WDR59: variants seen among roughly 807,000 people sequenced by gnomAD.
The protein encoded by WDR59 is WD repeat domain 59, also known as GATOR2 complex protein WDR59.
Under a neutral mutation model 131.2 loss-of-function variants are expected in WDR59, and 100 were observed. The ratio of observed to expected loss-of-function variants is 0.76; its 90% CI spans 0.65 to 0.90. The LOEUF is 0.90. Ranked by LOEUF, WDR59 falls within the 40% of genes least tolerant of loss-of-function variation. WDR59 has a pLI of 0.00. For missense variants in WDR59, 1,203 were observed against 1,262.2 expected (o/e 0.95, Z 0.71); for synonymous variants, 601 against 466.2 (o/e 1.29, Z -3.72).
intron 10 of WDR59, among the ~76,000 whole-genome samples, chr16:74,918,841 C>G (rs1966514920): frequency 6.6e-6 from 1 of 152,128 alleles, no homozygotes; most frequent in Admixed American, 6.5e-5. Context: ...GGCAGGAAAA[C>G]AAGGGCCAGT....
At chr16:74,892,671 T>A in intron 19 of WDR59, 106 bp from the exon 20 acceptor site, 1 of 955,588 alleles carries the variant, frequency 1.0e-6, no homozygotes, top group Non-Finnish European at 1.6e-6. Context: ...TGGTTATCAC[T>A]CAAAATGTTT....
intron 8 of WDR59, among the ~76,000 whole-genome samples, chr16:74,933,364 T>G (rs970739336): frequency 5.3e-5 from 8 of 152,174 alleles, no homozygotes; most frequent in African/African-American, 1.9e-4. Flanking sequence ...AACTGATCTC[T>G]GAGCACATCA....
intron 25 of WDR59, among the ~76,000 whole-genome samples, chr16:74,880,405 C>G (rs1359050849): frequency 3.9e-5 from 6 of 152,054 alleles, no homozygotes; most frequent in African/African-American, 1.4e-4. Context: ...CGAGATCGCG[C>G]CACTGCACTC....
chr16:74,915,750 G>A (rs1966337237), intron 13 of WDR59, 120 bp downstream of exon 13: 4 of 1,456,208 alleles, frequency 2.7e-6, no homozygotes, highest in Non-Finnish European at 3.8e-6. Flanking sequence ...AAAAAAGCAA[G>A]CAGAGAGAGT....
Position 74,959,501 on chromosome 16 carries a change from C to G in WDR59, c.105-2891G>C, listed in dbSNP as rs1052937972. ...GCCTTCATGGTTGGAAGCAGCAGCT[C>G]ACACTGGAACTCTTAGTGCTGCAGG... On this transcript the variant is annotated intron_variant, in intron 2 of 25. Transcript: ENST00000262144. The G allele has an allele frequency of 2.9e-5, 13 of 449,990 alleles. No homozygotes were observed. In the Admixed American group the frequency reaches 3.1e-4, roughly 11 times the overall value. 27.9% of individuals were successfully genotyped at this position (449,990 alleles called of 1,614,324 possible).
At chr16:74,932,774 C>T (rs1252577190) in intron 8 of WDR59, among the ~76,000 whole-genome samples, 2 of 152,266 alleles carry the variant, frequency 1.3e-5, no homozygotes, top group African/African-American at 4.8e-5. Context: ...CAGGGGTGAG[C>T]CACCATGCCC....
rs952838946 is a variant in WDR59, at chr16:74,888,048, G to C, written c.2346+121C>G. ...CACGAGAATTGCTTGAACCCAGGAG[G>C]CGGAGGTTGCAGTGAGCTGAGATCA... On this transcript the variant is annotated intron_variant, in intron 22 of 25. Transcript: ENST00000262144. 1.1e-5 allele frequency: 14 copies of C among 1,279,910 alleles called. 1 individual carries two copies. In the South Asian group the frequency reaches 1.3e-4, roughly 12 times the overall value. 79.3% of individuals were successfully genotyped at this position (1,279,910 alleles called of 1,614,324 possible). A position where few individuals can be genotyped will look rare whatever the true frequency, so the allele number is the denominator to read the frequency against.
chr16:74,899,877 C>T, intron 18 of WDR59: 1 of 724,412 alleles, frequency 1.4e-6, no homozygotes, highest in Non-Finnish European at 2.0e-6. Flanking sequence ...TACCATAATA[C>T]ACTGTACAGT....
intron 3 of WDR59, among the ~76,000 whole-genome samples, chr16:74,955,741 G>C (rs2033257533): frequency 6.6e-6 from 1 of 152,062 alleles, no homozygotes; most frequent in South Asian, 2.1e-4. Context: ...CTGCACAGTG[G>C]TCCTGCCCCT....
chr16:74,945,525 G>C (rs1023902803), intron 6 of WDR59, among the ~76,000 whole-genome samples: 1 of 151,936 alleles, frequency 6.6e-6, no homozygotes, highest in Non-Finnish European at 1.5e-5. Flanking sequence ...ACAAAGTCAG[G>C]AGAATGTGAT....
intron 17 of WDR59, among the ~76,000 whole-genome samples, chr16:74,908,448 T>C (rs747768755): frequency 5.9e-4 from 90 of 152,134 alleles, no homozygotes; most frequent in Non-Finnish European, 1.3e-4. Context: ...ACTTCCACGT[T>C]TGTGTTTTCA....
chr16:74,927,718 A>AC (rs2030974965), intron 8 of WDR59, among the ~76,000 whole-genome samples: 2 of 150,566 alleles, frequency 1.3e-5, no homozygotes, highest in Admixed American at 6.7e-5. Flanking sequence ...ACACACACAC[A>AC]AAACTCAGCT....
chr16:74,936,925 G>A (rs1465084639), intron 8 of WDR59, among the ~76,000 whole-genome samples: 1 of 152,138 alleles, frequency 6.6e-6, no homozygotes, highest in African/African-American at 2.4e-5. Context: ...ACAACCCTAA[G>A]AGATTTACAA....
At chr16:74,958,992 G>C (rs1044720365) in intron 2 of WDR59, among the ~76,000 whole-genome samples, 2 of 152,186 alleles carry the variant, frequency 1.3e-5, no homozygotes, top group African/African-American at 2.4e-5. Flanking sequence ...CTGGGAAGCA[G>C]GGGATGCAGT....
rs1025406831 is a variant in WDR59 at position 74,948,563 on chromosome 16, T to C, written c.408-7A>G. On this transcript the variant is annotated splice_region_variant and splice_polypyrimidine_tract_variant and intron_variant, in intron 5 of 25. Transcript: ENST00000262144. The stretch of plus-strand genomic sequence containing the variant: ...AGTAGGTTTCCTTGTGTCTCTGAAA[T>C]ATAAAAATAAAAAATCAAATCCCCA... 2.5e-6 allele frequency: 4 copies of C among 1,612,484 alleles called. No homozygotes were observed. The highest frequency in any genetic ancestry group is 3.4e-6 in the Non-Finnish European group (4 of 1,178,590).
intron 2 of WDR59, chr16:74,959,585 G>C (rs2033466772): frequency 2.3e-6 from 1 of 441,468 alleles, no homozygotes; most frequent in East Asian, 7.4e-5. Context: ...AACCTGGCAA[G>C]ACCTTATCTG....
At chr16:74,914,514 T>G (rs561469705) in intron 13 of WDR59, among the ~76,000 whole-genome samples, 90 of 152,196 alleles carry the variant, frequency 5.9e-4, no homozygotes, top group South Asian at 1.5e-3. Context: ...ACCAAATAGC[T>G]GCTGACCTTG....
chr16:74,957,081 C>CTT (rs34834142), intron 2 of WDR59, among the ~76,000 whole-genome samples: 24 of 123,942 alleles, frequency 1.9e-4, no homozygotes, highest in African/African-American at 4.0e-4. Context: ...CTTTTTTTTT[C>CTT]TTTTTTTTTT....
chr16:74,969,758 C>T (rs954902950), intron 1 of WDR59, among the ~76,000 whole-genome samples: 1 of 151,748 alleles, frequency 6.6e-6, no homozygotes, highest in Non-Finnish European at 1.5e-5. Context: ...TAGGGTTTCA[C>T]CATGTTTCCC....
Sources: allele counts gnomAD v4.1 joint callset (sites outside exome capture counted in the v4.1 genomes callset), GRCh38; gene constraint gnomAD v4.1.1; transcripts MANE v1.5; gene names NCBI Gene and HGNC (gene_info 2026-07-23, HGNC 2026-07-21).